The following TXNDC16 variants were observed in gnomAD, a reference collection of about 807,000 sequenced individuals.
TXNDC16 encodes thioredoxin domain-containing protein 16.
A neutral mutation model predicts 85.6 loss-of-function variants in TXNDC16; 74 were observed. The ratio of observed to expected loss-of-function variants is 0.86; its 90% CI spans 0.72 to 1.05. The LOEUF is 1.05. Among genes scored for constraint, TXNDC16 ranks in the 50% least tolerant of loss-of-function variants. The pLI is 0.00. For missense variants in TXNDC16, 959 were observed against 947.0 expected, an observed-to-expected ratio of 1.01 and a Z score of -0.17; for synonymous variants, 335 against 326.5, an observed-to-expected ratio of 1.03 and a Z score of -0.28.
At chr14:52,495,841 C>T (rs2036518624) in intron 9 of TXNDC16, among the ~76,000 whole-genome samples, 1 of 152,128 alleles carries the variant, frequency 6.6e-6, no homozygotes, top group Non-Finnish European at 1.5e-5. Context: ...AAAACTATTC[C>T]TCTCAATCTG....
chr14:52,448,554 A>C (rs1408641029), intron 18 of TXNDC16, among the ~76,000 whole-genome samples: 1 of 152,182 alleles, frequency 6.6e-6, no homozygotes, highest in Admixed American at 6.5e-5. Flanking sequence ...TGCTTCAATC[A>C]GGAAGAAAAG....
chr14:52,458,504 C>G (rs1255699269), intron 16 of TXNDC16, among the ~76,000 whole-genome samples: 3 of 152,084 alleles, frequency 2.0e-5, no homozygotes, highest in Non-Finnish European at 4.4e-5. Flanking sequence ...TTGCACTGAG[C>G]TGAGATCATG....
chr14:52,459,789 C>T (rs2035612808), intron 16 of TXNDC16, among the ~76,000 whole-genome samples: 1 of 152,170 alleles, frequency 6.6e-6, no homozygotes, highest in South Asian at 2.1e-4. Context: ...TGTGATTTAT[C>T]TCATAAACAG....
chr14:52,509,937 C>T lies in TXNDC16; in HGVS notation c.756+1303G>A, dbSNP rs539060664. On this transcript the variant is annotated intron_variant, in intron 9 of 20. Transcript: ENST00000281741. ...AGGAGCTTGCAGTGAGCCGAGATCG[C>T]GCCACTGCACTCCAGCCTGGGAAAC... Among the ~76,000 whole-genome samples, 10 of 150,986 alleles carry T rather than the reference C, an allele frequency of 6.6e-5. No individual in the cohort carries two copies. In the South Asian group the frequency reaches 2.1e-3, roughly 31 times the overall value.
chr14:52,531,850 C>T (rs2037588905), intron 6 of TXNDC16, among the ~76,000 whole-genome samples: 1 of 152,044 alleles, frequency 6.6e-6, no homozygotes, highest in African/African-American at 2.4e-5. Flanking sequence ...AACAACTGTA[C>T]CACACTAATG....
At chr14:52,512,793 G>A (rs182536269) in intron 8 of TXNDC16, among the ~76,000 whole-genome samples, 7 of 152,224 alleles carry the variant, frequency 4.6e-5, no homozygotes, top group Admixed American at 3.3e-4. Context: ...AGGGAACTTC[G>A]TTTGCCATAT....
chr14:52,515,504 G>GT (rs1183082153), intron 7 of TXNDC16, among the ~76,000 whole-genome samples: 2 of 151,472 alleles, frequency 1.3e-5, no homozygotes, highest in Non-Finnish European at 2.9e-5. Context: ...TTCTGGGTTA[G>GT]TTTTTTTTAA....
intron 14 of TXNDC16, among the ~76,000 whole-genome samples, chr14:52,475,358 T>A (rs2035997671): frequency 1.3e-5 from 2 of 152,036 alleles, no homozygotes; most frequent in South Asian, 4.2e-4. Flanking sequence ...GCGTGCAGAC[T>A]CCACAGGCTG....
At chr14:52,514,835 A>G in intron 8 of TXNDC16, 45 bp downstream of exon 8, 1 of 1,287,094 alleles carries the variant, frequency 7.8e-7, no homozygotes, top group East Asian at 2.5e-5. Context: ...AGTGAAGAAG[A>G]AAAAAAAAAC....
chr14:52,516,640 C>T (rs1423514753), intron 7 of TXNDC16, among the ~76,000 whole-genome samples: 1 of 152,134 alleles, frequency 6.6e-6, no homozygotes, highest in East Asian at 1.9e-4. Flanking sequence ...TCCTTCAGTT[C>T]TGGGAAATTT....
intron 19 of TXNDC16, among the ~76,000 whole-genome samples, 194 bp downstream of exon 19, chr14:52,440,370 T>C (rs1341717059): frequency 6.6e-6 from 1 of 152,126 alleles, no homozygotes; most frequent in African/African-American, 2.4e-5. Context: ...AATTTTACTG[T>C]AGAATAAAAT....
intron 6 of TXNDC16, among the ~76,000 whole-genome samples, chr14:52,531,459 T>C (rs1368411106): frequency 6.6e-6 from 1 of 152,152 alleles, no homozygotes; most frequent in Non-Finnish European, 1.5e-5. Context: ...GATATATCCA[T>C]TCAGTGGAAT....
chr14:52,527,309 T>G (rs182164942), intron 6 of TXNDC16, among the ~76,000 whole-genome samples: 1 of 152,220 alleles, frequency 6.6e-6, no homozygotes, highest in African/African-American at 2.4e-5. Context: ...AGGTAGGTAC[T>G]GTCAGAATTG....
intron 14 of TXNDC16, among the ~76,000 whole-genome samples, chr14:52,481,536 CA>C (rs1404753409): frequency 6.6e-6 from 1 of 152,092 alleles, no homozygotes; most frequent in African/African-American, 2.4e-5. Context: ...AGATATTCTG[CA>C]ATGTAAGGCA....
In TXNDC16 at chr14:52,537,594, CT is replaced by C; in HGVS notation, c.317+4del. ...TTGTCCAGCACACTCAGGAAAATAG[CT>C]TACTTGAATAAATATGCTTTCATCA... On this transcript the variant is annotated splice_donor_region_variant and intron_variant, in intron 5 of 20. Coordinates refer to ENST00000281741, the MANE Select transcript of TXNDC16 (RefSeq NM_020784.3). 6.4e-7 allele frequency: 1 copy of C among 1,568,310 alleles called. No homozygotes were observed.
chr14:52,540,948 G>A (rs2037817255), intron 4 of TXNDC16, among the ~76,000 whole-genome samples: 1 of 152,052 alleles, frequency 6.6e-6, no homozygotes, highest in African/African-American at 2.4e-5. Context: ...AAAATCAGGA[G>A]TTTCAGGCCG....
chr14:52,536,479 T>C (rs1386468585), intron 6 of TXNDC16, among the ~76,000 whole-genome samples: 1 of 152,212 alleles, frequency 6.6e-6, no homozygotes, highest in African/African-American at 2.4e-5. Context: ...CCTCACTCGA[T>C]GTGGTTTTGT....
chr14:52,515,103 T>C, intron 7 of TXNDC16, 133 bp from the exon 8 acceptor site: 1 of 533,680 alleles, frequency 1.9e-6, no homozygotes, highest in Non-Finnish European at 3.1e-6. Context: ...TTCACAGGGA[T>C]ACTAGTTGGG....
At position 52,482,227 on chromosome 14, in the gene TXNDC16, T is replaced by A; in HGVS notation, c.1312+3A>T. 1 of 1,611,466 alleles carries A rather than the reference T, an allele frequency of 6.2e-7. No homozygotes were observed. The highest frequency in any genetic ancestry group is 1.1e-5 in the South Asian group (1 of 90,908). ...AATAAGCATGCATAGCACAGTACAC[T>A]ACCTTTCAGTTTAACTGCCACATCA... On this transcript the variant is annotated splice_donor_region_variant and intron_variant, in intron 14 of 20. Coordinates refer to ENST00000281741, the MANE Select transcript of TXNDC16 (RefSeq NM_020784.3).
Sources: gnomAD v4.1 joint callset for allele counts (sites outside exome capture counted in the v4.1 genomes callset) on GRCh38, gnomAD v4.1.1 for gene constraint, MANE v1.5 for transcripts, NCBI Gene and HGNC (gene_info 2026-07-23, HGNC 2026-07-21) for gene names.